The following SV2C variants were observed in gnomAD, a reference collection of about 807,000 sequenced individuals.
SV2C encodes the protein solute carrier family 22 member B3.
A neutral mutation model predicts 79.7 loss-of-function variants in SV2C; 49 were observed. The observed-to-expected ratio is 0.61, with a 90% CI of 0.49 to 0.78. The LOEUF is 0.78. Ranked by LOEUF, SV2C falls within the 30% of genes least tolerant of loss-of-function variation. The pLI is 0.00. For missense variants in SV2C, 833 were observed against 912.9 expected, an observed-to-expected ratio of 0.91 and a Z score of 1.13; for synonymous variants, 334 against 333.2, an observed-to-expected ratio of 1.00 and a Z score of -0.03.
intron 12 of SV2C, among the ~76,000 whole-genome samples, chr5:76,347,357 A>T (rs1454116234): frequency 6.6e-6 from 1 of 152,198 alleles, no homozygotes; most frequent in African/African-American, 2.4e-5. Flanking sequence ...GAAGCTGGGG[A>T]ATGAGTGCCT....
chr5:76,058,605 C>T, the SV2C span, among the ~76,000 whole-genome samples: 1 of 152,004 alleles, frequency 6.6e-6, no homozygotes, highest in Admixed American at 6.6e-5. Context: ...CTCTTAAGAC[C>T]TGAAGGAGAA....
intron 1 of SV2C, among the ~76,000 whole-genome samples, chr5:76,120,184 T>G (rs1748432387): frequency 6.6e-6 from 1 of 152,040 alleles, no homozygotes; most frequent in Middle Eastern, 3.2e-3. Context: ...ACACATTTCA[T>G]AAATCATCAG....
the SV2C span, among the ~76,000 whole-genome samples, chr5:75,928,660 A>C: frequency 6.6e-6 from 1 of 152,156 alleles, no homozygotes; most frequent in Non-Finnish European, 1.5e-5. Flanking sequence ...GAGGCTGGGG[A>C]GTAGGCACTG....
In SV2C at chr5:76,253,698, C is replaced by T. The variant is rs902846765; in HGVS notation, c.914-31464C>T. On this transcript the variant is annotated intron_variant, in intron 4 of 12. Transcript: ENST00000502798. ...TTCTATTCCCTTCCCCACCACCTCT[C>T]CTCCCTAAGGAAAAAAAAAAAAAAA... Among the ~76,000 whole-genome samples the T allele has an allele frequency of 6.2e-5, 8 of 129,128 alleles. No homozygotes were observed. In the South Asian group the frequency reaches 1.7e-3, roughly 28 times the overall value. The allele number at this position is 129,128 out of a possible 152,430, so 84.7% of individuals were successfully genotyped here.
the SV2C span, among the ~76,000 whole-genome samples, chr5:75,885,325 G>C: frequency 0.15 from 22,751 of 152,072 alleles, 2,474 homozygotes; most frequent in African/African-American, 0.31. Context: ...TATATCCAAA[G>C]AGGTGTAGGA....
rs1287727279 is a variant in SV2C, at chr5:76,332,395, G to C, written c.*6848G>C. ...GATGAGCTGGAATAGCTTTGAACCG[G>C]TTCATCCGAACTGATTGTTAAACTT... On this transcript the variant is annotated 3_prime_UTR_variant, in exon 13 of 13. Coordinates refer to ENST00000502798, the MANE Select transcript of SV2C (RefSeq NM_014979.4). The C allele has an allele frequency of 6.6e-6, 1 of 152,122 alleles. No individual in the cohort carries two copies. Among genetic ancestry groups the C allele is most frequent in the Non-Finnish European group, 1.5e-5 (1 of 68,018 alleles). 9.4% of individuals were successfully genotyped at this position (152,122 alleles called of 1,614,324 possible).
chr5:76,138,841 G>A (rs1302854948), intron 2 of SV2C, among the ~76,000 whole-genome samples: 4 of 152,172 alleles, frequency 2.6e-5, no homozygotes, highest in Non-Finnish European at 5.9e-5. Flanking sequence ...ATTTTGGGCC[G>A]GGCACAGCGG....
At chr5:76,154,643 G>A (rs571207496) in intron 2 of SV2C, among the ~76,000 whole-genome samples, 52 of 152,270 alleles carry the variant, frequency 3.4e-4, no homozygotes, top group South Asian at 2.9e-3. Context: ...TTTCACTTCC[G>A]CCATGATAGC....
At position 76,298,144 on chromosome 5, in the gene SV2C, A is replaced by G. The variant is rs1331349579; in HGVS notation, c.1503-650A>G. 2.6e-5 allele frequency among the ~76,000 whole-genome samples: 4 copies of G among 152,324 alleles called. No homozygotes were observed. The East Asian group carries it at 5.8e-4, about 22-fold the overall frequency. On this transcript the variant is annotated intron_variant, in intron 9 of 12. Transcript: ENST00000502798. The stretch of plus-strand genomic sequence containing the variant: ...ATTCTTCATGTTTCCAAAAATAAGC[A>G]GAGTTCTCATAATTCCTTTTGGTTC...
intron 12 of SV2C, among the ~76,000 whole-genome samples, chr5:76,320,424 T>A (rs889382175): frequency 6.6e-6 from 1 of 152,192 alleles, no homozygotes; most frequent in African/African-American, 2.4e-5. Flanking sequence ...TGTAATGTAA[T>A]TGAACTTTGG....
chr5:75,991,000 C>G, the SV2C span, among the ~76,000 whole-genome samples: 1 of 151,854 alleles, frequency 6.6e-6, no homozygotes. Context: ...ACAGTTGTAA[C>G]CAGGAGCCAG....
At chr5:76,027,952 C>T in the SV2C span, among the ~76,000 whole-genome samples, 1 of 152,160 alleles carries the variant, frequency 6.6e-6, no homozygotes, top group Non-Finnish European at 1.5e-5. Context: ...CAGGTAGTTT[C>T]TTCAAGTGCA....
intron 4 of SV2C, among the ~76,000 whole-genome samples, chr5:76,232,233 C>G (rs1745443232): frequency 6.8e-6 from 1 of 146,198 alleles, no homozygotes; most frequent in Admixed American, 6.6e-5. Context: ...GCATAAATGT[C>G]TTCTTTTGAG....
the SV2C span, among the ~76,000 whole-genome samples, chr5:75,939,707 A>G: frequency 6.6e-6 from 1 of 152,172 alleles, no homozygotes; most frequent in Non-Finnish European, 1.5e-5. Context: ...ATTAGAACCC[A>G]GAAGCATCAC....
At chr5:75,958,779 G>A in the SV2C span, among the ~76,000 whole-genome samples, 2 of 151,938 alleles carry the variant, frequency 1.3e-5, no homozygotes, top group Non-Finnish European at 2.9e-5. Flanking sequence ...CTCTCTTGTA[G>A]TGGGAATGGG....
chr5:76,308,573 G>A (rs940621335), intron 12 of SV2C, among the ~76,000 whole-genome samples: 7 of 152,312 alleles, frequency 4.6e-5, no homozygotes, highest in South Asian at 2.1e-4. Flanking sequence ...CTAGACTGCC[G>A]TTTTCCTGGT....
At chr5:76,256,738 A>G (rs1037815596) in intron 4 of SV2C, among the ~76,000 whole-genome samples, 7 of 152,168 alleles carry the variant, frequency 4.6e-5, no homozygotes, top group African/African-American at 1.7e-4. Flanking sequence ...CCTGCTACCA[A>G]ATCATCTTTT....
the SV2C span, among the ~76,000 whole-genome samples, chr5:75,995,086 T>C: frequency 1.3e-5 from 2 of 152,132 alleles, no homozygotes; most frequent in Non-Finnish European, 2.9e-5. Context: ...CTCTGCCTTT[T>C]TTTTTCTATT....
At chr5:76,281,243 A>G (rs1747184063) in intron 4 of SV2C, 1 of 521,984 alleles carries the variant, frequency 1.9e-6, no homozygotes, top group Non-Finnish European at 3.9e-6. Context: ...AAGAAAAGTA[A>G]TAGACTCTGA....
Sources: gnomAD v4.1 joint callset for allele counts (sites outside exome capture counted in the v4.1 genomes callset) on GRCh38, gnomAD v4.1.1 for gene constraint, MANE v1.5 for transcripts, NCBI Gene and HGNC (gene_info 2026-07-23, HGNC 2026-07-21) for gene names.